Variants in IFIT5 observed in about 807,000 individuals in gnomAD.
IFIT5 encodes interferon induced protein with tetratricopeptide repeats 5, also known as interferon-induced protein with tetratricopeptide repeats 5.
In IFIT5, 2 loss-of-function variants were observed where a neutral mutation model predicts 5.0. The observed-to-expected ratio is 0.40, with a 90% CI of 0.16 to 1.26. IFIT5 has a LOEUF of 1.26. Among genes scored for constraint, IFIT5 ranks in the 50% most tolerant of loss-of-function variants. The pLI, the probability that IFIT5 is intolerant of heterozygous loss-of-function variation, is 0.33. For missense variants in IFIT5, 524 were observed against 563.2 expected (o/e 0.93, Z 0.70); for synonymous variants, 206 against 204.6 (o/e 1.01, Z -0.06).
intron 1 of IFIT5, among the ~76,000 whole-genome samples, chr10:89,416,079 C>T (rs1267730321): frequency 2.0e-5 from 3 of 152,180 alleles, no homozygotes; most frequent in South Asian, 2.1e-4. Context: ...TGTGCCACCA[C>T]GCCTGGCTAA....
At chr10:89,415,755 CTG>C (rs1841529760) in intron 1 of IFIT5, among the ~76,000 whole-genome samples, 1 of 151,156 alleles carries the variant, frequency 6.6e-6, no homozygotes, top group Non-Finnish European at 1.5e-5. Flanking sequence ...TTCTCAAACT[CTG>C]TGAGTCTGTT....
In IFIT5 at chr10:89,418,591, A is replaced by G. The variant is rs1841568394; in HGVS notation, c.1392A>G (p.Ile464Met). 1 of 1,614,146 alleles carries G rather than the reference A, an allele frequency of 6.2e-7. No homozygotes were observed. The highest frequency in any genetic ancestry group is 1.3e-5 in the African/African-American group (1 of 75,044). The change falls in exon 2 of 2, where the codon ATA (isoleucine) becomes ATG (methionine). Residue 464 changes from isoleucine (I) to methionine (M), a missense_variant. By Grantham distance (10) the Ile-to-Met change is conservative. Coordinates refer to ENST00000371795, the MANE Select transcript of IFIT5 (RefSeq NM_012420.3). ...AAEYYEKAQKIDPENAEFLTA... is the reference protein window; with the variant it reads ...AAEYYEKAQKMDPENAEFLTA... Reference sequence around the variant, plus strand: ...AGTACTATGAGAAGGCACAAAAGATAGATCCAGAAAATGCAGAATTCCTGA... The same window carrying G: ...AGTACTATGAGAAGGCACAAAAGATGGATCCAGAAAATGCAGAATTCCTGA...
chr10:89,414,769 C>T lies in IFIT5; in HGVS notation c.-30C>T. ...GAGAGAGCGATCCGAGGGACTGCGC[C>T]GCCCGGACGGCCTGCAGAGCGCTGC... On this transcript the variant is annotated 5_prime_UTR_variant, in exon 1 of 2. Coordinates refer to ENST00000371795, the MANE Select transcript of IFIT5 (RefSeq NM_012420.3). 4 of 1,606,774 alleles carry T rather than the reference C, an allele frequency of 2.5e-6. No individual in the cohort carries two copies. The highest frequency in any genetic ancestry group is 1.7e-6 in the Non-Finnish European group (2 of 1,177,502).
rs1841512294 is a variant in IFIT5, at chr10:89,414,744, GA to G, written c.-54del. 12 of 1,597,996 alleles carry G rather than the reference GA, an allele frequency of 7.5e-6. No individual in the cohort carries two copies. The highest frequency in any genetic ancestry group is 1.0e-5 in the Non-Finnish European group (12 of 1,175,298). ...GCTTCCCGCGGTCCCCGGTGCTGAG[GA>G]GAGAGCGATCCGAGGGACTGCGCCG... On this transcript the variant is annotated 5_prime_UTR_variant, in exon 1 of 2. Coordinates refer to ENST00000371795, the MANE Select transcript of IFIT5 (RefSeq NM_012420.3).
At position 89,418,957 on chromosome 10, in the gene IFIT5, CATATT is replaced by C. The variant is rs747039415; in HGVS notation, c.*314_*318del. On this transcript the variant is annotated 3_prime_UTR_variant, in exon 2 of 2. Transcript: ENST00000371795. ...TTTTATCTCTGCTCTTTGAATTTCTCATATTATATAGTAAATATATTCCTACGTAA... is the reference window on the plus strand; with the variant it reads ...TTTTATCTCTGCTCTTTGAATTTCTCATATAGTAAATATATTCCTACGTAA... 1.5e-5 allele frequency: 3 copies of C among 201,054 alleles called. No individual in the cohort carries two copies. The highest frequency in any genetic ancestry group is 1.1e-4 in the East Asian group (1 of 8,854). The allele number at this position is 201,054 out of a possible 1,614,324, so 12.5% of individuals were successfully genotyped here.
chr10:89,417,305 G>C lies in IFIT5; in HGVS notation c.106G>C (p.Asp36His). The C allele has an allele frequency of 2.5e-6, 4 of 1,614,140 alleles. No homozygotes were observed. Among genetic ancestry groups the C allele is most frequent in the Non-Finnish European group, 3.4e-6 (4 of 1,180,010 alleles). Residue 36 changes from aspartate to histidine, a missense_variant, in exon 2 of 2, where the codon GAT (aspartate) becomes CAT (histidine). Physicochemically the swap from Asp to His is moderately conservative, Grantham distance 81 (BLOSUM62 -1). Transcript: ENST00000371795. ...AGACATTGATCTGTTTGAGGTAGAA[G>C]ATACAATTGGGCAACAGCTTGAATT... ...KEDIDLFEVE[D>H]TIGQQLEFLT...
At chr10:89,416,951 A>G (rs1284806045) in intron 1 of IFIT5, among the ~76,000 whole-genome samples, 1 of 152,230 alleles carries the variant, frequency 6.6e-6, no homozygotes, top group Non-Finnish European at 1.5e-5. Flanking sequence ...AAGGAAATAG[A>G]TACATGTAAT....
In IFIT5 at chr10:89,418,454, G is replaced by C. The variant is rs1841565948; in HGVS notation, c.1255G>C (p.Ala419Pro). Residue 419 changes from alanine to proline, a missense_variant, in exon 2 of 2, where the codon GCT (alanine) becomes CCT (proline). Ala to Pro is a conservative substitution (Grantham distance 27). Transcript: ENST00000371795. ...RSPLRTKLTS[A>P]LKKLSTKRLC... Reference sequence around the variant, plus strand: ...ACCCCTTCGCACCAAACTGACAAGTGCTCTGAAGAAATTGTCTACCAAGAG... The same window carrying C: ...ACCCCTTCGCACCAAACTGACAAGTCCTCTGAAGAAATTGTCTACCAAGAG... 1 of 1,614,134 alleles carries C rather than the reference G, an allele frequency of 6.2e-7. No individual in the cohort carries two copies.
intron 1 of IFIT5, among the ~76,000 whole-genome samples, chr10:89,415,728 T>G (rs1419391969): frequency 6.6e-6 from 1 of 152,094 alleles, no homozygotes; most frequent in Non-Finnish European, 1.5e-5. Context: ...CTCCTACTAG[T>G]TGAGTGATCC....
Position 89,417,558 on chromosome 10 carries a change from T to A in IFIT5, c.359T>A (p.Ile120Lys). The A allele has an allele frequency of 6.2e-7, 1 of 1,614,220 alleles. No homozygotes were observed. The highest frequency in any genetic ancestry group is 1.1e-5 in the South Asian group (1 of 91,086). Residue 120 changes from isoleucine (I) to lysine (K), a missense_variant, in exon 2 of 2, where the codon ATA becomes AAA. By Grantham distance (102) the Ile-to-Lys change is moderately radical. Coordinates refer to ENST00000371795, the MANE Select transcript of IFIT5 (RefSeq NM_012420.3). ...GAAGCTCAGAAGTATACAGGTAAGA[T>A]AGGGAATGTCTGTAAGAAATTGTCC... ...LEEAQKYTGKIGNVCKKLSSP... is the reference protein window; with the variant it reads ...LEEAQKYTGKKGNVCKKLSSP...
At chr10:89,414,832 A>G in intron 1 of IFIT5, 29 bp downstream of exon 1, 1 of 1,606,920 alleles carries the variant, frequency 6.2e-7, no homozygotes. Flanking sequence ...CTCTCCTCCC[A>G]AGCCCTGCGT....
Position 89,419,948 on chromosome 10 carries a change from T to G in IFIT5, c.*1300T>G, listed in dbSNP as rs1478421033. The G allele has an allele frequency of 6.6e-6, 1 of 152,146 alleles. No individual in the cohort carries two copies. Among genetic ancestry groups the G allele is most frequent in the African/African-American group, 2.4e-5 (1 of 41,456 alleles). The allele number at this position is 152,146 out of a possible 1,614,324, so 9.4% of individuals were successfully genotyped here. A position where few individuals can be genotyped will look rare whatever the true frequency, so the allele number is the denominator to read the frequency against. ...TATTATGTATGTGTGTGTGTTTTAC[T>G]TTTTGTTTTTTATCATCTTTAAAAT... On this transcript the variant is annotated 3_prime_UTR_variant, in exon 2 of 2. Coordinates refer to ENST00000371795, the MANE Select transcript of IFIT5 (RefSeq NM_012420.3).
In IFIT5 at chr10:89,418,213, AT is replaced by A. The variant is rs1354751419; in HGVS notation, c.1017del (p.Phe339LeufsTer32). On this transcript the variant is annotated frameshift_variant, in exon 2 of 2. Coordinates refer to ENST00000371795, the MANE Select transcript of IFIT5 (RefSeq NM_012420.3). LOFTEE classifies it low-confidence loss of function (END_TRUNC). Reference protein sequence around the residue: ...AAMERDSMFAFAYTDLANMYA... With the variant: ...AAMERDSMFAXAYTDLANMYA... ...CCATGGAACGAGACTCTATGTTTGC[AT>A]TTGCCTACACAGACCTGGCCAACAT... 1 of 1,614,206 alleles carries A rather than the reference AT, an allele frequency of 6.2e-7. No homozygotes were observed. Among genetic ancestry groups the A allele is most frequent in the Non-Finnish European group, 8.5e-7 (1 of 1,180,008 alleles).
At chr10:89,415,655 A>G (rs304450) in intron 1 of IFIT5, among the ~76,000 whole-genome samples, 26,455 of 152,120 alleles carry the variant, frequency 0.17, 2,954 homozygotes, top group East Asian at 0.45. Flanking sequence ...TGAGTTGAGG[A>G]ATGAGATGTT....
chr10:89,418,540 G>A lies in IFIT5; in HGVS notation c.1341G>A (p.Leu447=), dbSNP rs771171026. 6.2e-7 allele frequency: 1 copy of A among 1,614,058 alleles called. No individual in the cohort carries two copies. Among genetic ancestry groups the A allele is most frequent in the Non-Finnish European group, 8.5e-7 (1 of 1,179,986 alleles). The part of the protein sequence containing the change: ...SLSALGFVYK[L]EGEKRQAAEY... ...GTGCCCTAGGGTTTGTTTACAAGCT[G>A]GAAGGAGAAAAGAGGCAAGCTGCTG... Residue 447 remains leucine, a synonymous_variant, in exon 2 of 2, where the codon CTG becomes CTA. Transcript: ENST00000371795.
rs1841567148 is a variant in IFIT5, at chr10:89,418,525, G to A, written c.1326G>A (p.Gly442=). The A allele has an allele frequency of 6.2e-7, 1 of 1,614,166 alleles. No individual in the cohort carries two copies. Among genetic ancestry groups the A allele is most frequent in the Non-Finnish European group, 8.5e-7 (1 of 1,180,008 alleles). The change falls in exon 2 of 2, where the codon GGG becomes GGA. Residue 442 remains glycine, a synonymous_variant. Coordinates refer to ENST00000371795, the MANE Select transcript of IFIT5 (RefSeq NM_012420.3). ...ALDVQSLSAL[G]FVYKLEGEKR... is the part of the protein sequence containing the mutation. ...ATGTGCAGAGTTTAAGTGCCCTAGG[G>A]TTTGTTTACAAGCTGGAAGGAGAAA...
In IFIT5 at chr10:89,418,761, A is replaced by G. The variant is rs535231151; in HGVS notation, c.*113A>G. ...TTATTATAGAGCTAATATTTATTGAATAGTTATTGTGTACCAAGCATTGTG... is the reference window on the plus strand; with the variant it reads ...TTATTATAGAGCTAATATTTATTGAGTAGTTATTGTGTACCAAGCATTGTG... On this transcript the variant is annotated 3_prime_UTR_variant, in exon 2 of 2. Transcript: ENST00000371795. 9.4e-7 allele frequency: 1 copy of G among 1,068,284 alleles called. No individual in the cohort carries two copies. The highest frequency in any genetic ancestry group is 2.5e-5 in the East Asian group (1 of 39,514). The allele number at this position is 1,068,284 out of a possible 1,614,324, so 66.2% of individuals were successfully genotyped here. A position where few individuals can be genotyped will look rare whatever the true frequency, so the allele number is the denominator to read the frequency against.
rs1188705689 is a variant in IFIT5 at position 89,418,700 on chromosome 10, C to T, written c.*52C>T. On this transcript the variant is annotated 3_prime_UTR_variant, in exon 2 of 2. Transcript: ENST00000371795. ...AGTTTTTCCCTTCATTTTGGGTTCT[C>T]CTGTTTGTTTTTTTTTTATTATTTT... is the stretch of plus-strand genomic sequence containing the variant. The T allele has an allele frequency of 2.6e-6, 4 of 1,511,730 alleles. No homozygotes were observed. Among genetic ancestry groups the T allele is most frequent in the Admixed American group, 2.2e-5 (1 of 44,496 alleles). 93.6% of individuals were successfully genotyped at this position (1,511,730 alleles called of 1,614,324 possible).
At position 89,417,867 on chromosome 10, in the gene IFIT5, T is replaced by G; in HGVS notation, c.668T>G (p.Leu223Arg). The G allele has an allele frequency of 6.2e-7, 1 of 1,614,206 alleles. No homozygotes were observed. Among genetic ancestry groups the G allele is most frequent in the Non-Finnish European group, 8.5e-7 (1 of 1,180,028 alleles). The change falls in exon 2 of 2, where the codon CTG becomes CGG. Residue 223 changes from leucine to arginine, a missense_variant. Transcript: ENST00000371795. The stretch of plus-strand genomic sequence containing the variant: ...AGCTATATTAAGGTTTTTCTGGCAC[T>G]GAAGCTTCAAGATGTACATGCAGAA... Reference protein sequence around the residue: ...DNSYIKVFLALKLQDVHAEAE... With the variant: ...DNSYIKVFLARKLQDVHAEAE...
Sources: gnomAD v4.1 joint callset for allele counts (sites outside exome capture counted in the v4.1 genomes callset) on GRCh38, gnomAD v4.1.1 for gene constraint, MANE v1.5 for transcripts, NCBI Gene and HGNC (gene_info 2026-07-23, HGNC 2026-07-21) for gene names.